ELAPOR2: variants seen among roughly 807,000 people sequenced by gnomAD.
ELAPOR2 encodes the protein endosome-lysosome associated apoptosis and autophagy regulator family member 2.
A neutral mutation model predicts 120.7 loss-of-function variants in ELAPOR2; 89 were observed. That is an observed-to-expected ratio of 0.74 (90% CI 0.62 to 0.88). ELAPOR2 has a LOEUF of 0.88. Among genes scored for constraint, ELAPOR2 ranks in the 40% least tolerant of loss-of-function variants. The pLI is 0.00. For synonymous variants in ELAPOR2, 444 were observed against 444.9 expected (o/e 1.00, Z 0.03); for missense variants, 1,134 against 1,251.6 (o/e 0.91, Z 1.42).
intron 18 of ELAPOR2, among the ~76,000 whole-genome samples, chr7:86,900,749 A>G (rs1000864551): frequency 4.6e-5 from 7 of 152,342 alleles, no homozygotes; most frequent in Non-Finnish European, 1.0e-4. Flanking sequence ...CCTAAATGTC[A>G]TAATTTAAAT....
intron 8 of ELAPOR2, among the ~76,000 whole-genome samples, chr7:86,934,238 G>T (rs978368641): frequency 2.0e-5 from 3 of 151,738 alleles, no homozygotes; most frequent in African/African-American, 7.3e-5. Flanking sequence ...ACCTAAGCAT[G>T]GGCCAAGAAT....
chr7:87,033,750 T>C (rs773414078), intron 1 of ELAPOR2, among the ~76,000 whole-genome samples: 6 of 151,928 alleles, frequency 3.9e-5, no homozygotes, highest in Non-Finnish European at 8.8e-5. Flanking sequence ...CATATAAAAC[T>C]ATATTATAAA....
rs1789237689 is a variant in ELAPOR2, at chr7:86,910,257, T to A, written c.2170-256A>T. Among the ~76,000 whole-genome samples, 3 of 152,088 alleles carry A rather than the reference T, an allele frequency of 2.0e-5. No individual in the cohort carries two copies. In the South Asian group the frequency reaches 6.2e-4, roughly 31 times the overall value. On this transcript the variant is annotated intron_variant, in intron 15 of 21. Coordinates refer to ENST00000450689, the MANE Select transcript of ELAPOR2 (RefSeq NM_001142749.3). ...TTCAAGACTATACTGCTCTTCCCAG[T>A]ACAAGCATCATTTGTGATAAATGAA...
In ELAPOR2 at chr7:86,914,786, G is replaced by T. The variant is rs768552409; in HGVS notation, c.1668C>A (p.Ile556=). The change falls in exon 13 of 22, where the codon ATC becomes ATA. Residue 556 remains isoleucine, a synonymous_variant. Transcript: ENST00000450689. The part of the protein sequence containing the change: ...GTKEKQAYTH[I]IFKNATFTFT... ...ATGTAAAAGTTGCATTCTTGAAGAT[G>T]ATATGGGTGTAAGCTTGTTTTTCTT... 4 of 1,612,658 alleles carry T rather than the reference G, an allele frequency of 2.5e-6. No homozygotes were observed. Among genetic ancestry groups the T allele is most frequent in the Non-Finnish European group, 3.4e-6 (4 of 1,179,056 alleles).
intron 1 of ELAPOR2, among the ~76,000 whole-genome samples, chr7:86,985,847 GTGA>G (rs1792711168): frequency 6.6e-6 from 1 of 150,904 alleles, no homozygotes; most frequent in Admixed American, 6.6e-5. Context: ...GCCCCAGTGT[GTGA>G]TGTTCCCCTT....
intron 2 of ELAPOR2, among the ~76,000 whole-genome samples, chr7:86,960,913 CT>C (rs1484356432): frequency 2.0e-4 from 31 of 151,958 alleles, no homozygotes; most frequent in African/African-American, 7.5e-4. Flanking sequence ...TTTTACTTGT[CT>C]GCATATAGCA....
chr7:86,979,169 A>G (rs913629619), intron 1 of ELAPOR2, among the ~76,000 whole-genome samples: 4 of 152,250 alleles, frequency 2.6e-5, no homozygotes, highest in African/African-American at 9.6e-5. Context: ...AAAGAGACCA[A>G]AAGTTAATGT....
chr7:86,948,894 C>T (rs538570327), intron 2 of ELAPOR2, among the ~76,000 whole-genome samples: 12 of 152,088 alleles, frequency 7.9e-5, no homozygotes, highest in Non-Finnish European at 1.5e-4. Flanking sequence ...ATGAGACCTC[C>T]AAATTACCCA....
intron 1 of ELAPOR2, among the ~76,000 whole-genome samples, chr7:87,039,158 C>T (rs1382795882): frequency 4.0e-5 from 6 of 151,690 alleles, no homozygotes; most frequent in African/African-American, 1.5e-4. Context: ...AACTGGAAAA[C>T]CTAAAAGAAG....
intron 14 of ELAPOR2, 41 bp from the exon 15 acceptor site, chr7:86,912,286 A>G (rs1297372645): frequency 7.6e-7 from 1 of 1,320,512 alleles, no homozygotes; most frequent in East Asian, 2.3e-5. Context: ...AGGAAAGAAA[A>G]TATTAGCTGC....
chr7:87,049,407 G>C (rs983139891), intron 1 of ELAPOR2, among the ~76,000 whole-genome samples: 1 of 151,940 alleles, frequency 6.6e-6, no homozygotes, highest in Non-Finnish European at 1.5e-5. Flanking sequence ...TCAGCCTCCC[G>C]AGCAGCTGGA....
At chr7:86,923,692 T>C (rs989523411) in intron 10 of ELAPOR2, among the ~76,000 whole-genome samples, 9 of 152,130 alleles carry the variant, frequency 5.9e-5, no homozygotes, top group Admixed American at 5.9e-4. Context: ...TTGTTTTCTG[T>C]ACAACTTGCA....
At chr7:86,924,800 T>C (rs890811336) in intron 10 of ELAPOR2, among the ~76,000 whole-genome samples, 79 of 152,060 alleles carry the variant, frequency 5.2e-4, no homozygotes, top group African/African-American at 1.9e-3. Context: ...AGCACACACA[T>C]ACGTGTTTAC....
intron 2 of ELAPOR2, among the ~76,000 whole-genome samples, chr7:86,948,446 A>G (rs1279526864): frequency 6.6e-6 from 1 of 152,240 alleles, no homozygotes; most frequent in Non-Finnish European, 1.5e-5. Context: ...TAAGAAAACA[A>G]GGATCATTAT....
Position 86,951,171 on chromosome 7 carries a change from C to T in ELAPOR2, c.311-3249G>A, listed in dbSNP as rs116811135. 6.0e-3 allele frequency among the ~76,000 whole-genome samples: 919 copies of T among 152,234 alleles called. 11 individuals carry two copies. The highest frequency in any genetic ancestry group is 0.021 in the African/African-American group (852 of 41,534). On this transcript the variant is annotated intron_variant, in intron 2 of 21. Coordinates refer to ENST00000450689, the MANE Select transcript of ELAPOR2 (RefSeq NM_001142749.3). ...ATAAAGTTTTATTGAAACCCAATCC[C>T]GATCATTCATTTACCTACTGTCTAT...
intron 8 of ELAPOR2, among the ~76,000 whole-genome samples, chr7:86,928,899 G>A (rs1387168263): frequency 6.6e-6 from 1 of 151,846 alleles, no homozygotes; most frequent in Non-Finnish European, 1.5e-5. Context: ...CTTTCTAATG[G>A]AGACAGATGC....
chr7:87,035,878 A>G (rs1794571728), intron 1 of ELAPOR2, among the ~76,000 whole-genome samples: 1 of 152,250 alleles, frequency 6.6e-6, no homozygotes, highest in South Asian at 2.1e-4. Context: ...TTTTGAAATC[A>G]TTTTGAATCC....
At chr7:87,059,208 G>T in intron 1 of ELAPOR2, 117 bp downstream of exon 1, 2 of 1,222,850 alleles carry the variant, frequency 1.6e-6, no homozygotes, top group Non-Finnish European at 2.1e-6. Context: ...GAAAGCCCCT[G>T]TTCTCCAAGC....
intron 2 of ELAPOR2, among the ~76,000 whole-genome samples, chr7:86,958,386 TTTA>T (rs1791562162): frequency 1.3e-5 from 2 of 152,186 alleles, no homozygotes; most frequent in Non-Finnish European, 2.9e-5. Flanking sequence ...GCTATTATTT[TTTA>T]TTATTATTTT....
Sources: gnomAD v4.1 joint callset for allele counts (sites outside exome capture counted in the v4.1 genomes callset) on GRCh38, gnomAD v4.1.1 for gene constraint, MANE v1.5 for transcripts, NCBI Gene and HGNC (gene_info 2026-07-23, HGNC 2026-07-21) for gene names.